Variants in MLPH observed in about 807,000 individuals in gnomAD.
The protein encoded by MLPH is exophilin-3.
A neutral mutation model predicts 72.1 loss-of-function variants in MLPH; 51 were observed. The ratio of observed to expected loss-of-function variants is 0.71; its 90% CI spans 0.56 to 0.89. MLPH has a LOEUF of 0.89. MLPH is among the 40% of genes least tolerant of loss of function. The pLI is 0.00. For synonymous variants in MLPH, 301 were observed against 310.1 expected, an observed-to-expected ratio of 0.97 and a Z score of 0.31; for missense variants, 743 against 759.9, an observed-to-expected ratio of 0.98 and a Z score of 0.26.
intron 9 of MLPH, among the ~76,000 whole-genome samples, chr2:237,540,123 G>T (rs1379569364): frequency 3.9e-5 from 6 of 152,258 alleles, no homozygotes; most frequent in Non-Finnish European, 8.8e-5. Flanking sequence ...CAGGGGTGGT[G>T]GTCAGCTTTC....
At chr2:237,532,989 T>G (rs181388698) in intron 8 of MLPH, among the ~76,000 whole-genome samples, 1 of 152,254 alleles carries the variant, frequency 6.6e-6, no homozygotes. Context: ...TCCACACAGT[T>G]CTCAGCACAA....
intron 2 of MLPH, among the ~76,000 whole-genome samples, chr2:237,506,777 T>A (rs1250184297): frequency 1.3e-5 from 2 of 152,202 alleles, no homozygotes; most frequent in Non-Finnish European, 2.9e-5. Flanking sequence ...ACTTCTTTTT[T>A]CTTTGGAGGC....
chr2:237,511,372 G>C, intron 4 of MLPH: 1 of 427,592 alleles, frequency 2.3e-6, no homozygotes, highest in East Asian at 5.0e-5. Context: ...TCAGCCTCCC[G>C]AAGTGCTGGG....
chr2:237,542,279 C>T (rs2080706797), intron 11 of MLPH, among the ~76,000 whole-genome samples: 2 of 152,082 alleles, frequency 1.3e-5, no homozygotes, highest in African/African-American at 4.8e-5. Context: ...TCCTCCAGCC[C>T]CTCATGGGAG....
chr2:237,545,502 C>T (rs2080897217), intron 12 of MLPH: 1 of 1,286,216 alleles, frequency 7.8e-7, no homozygotes, highest in Admixed American at 2.3e-5. Flanking sequence ...GGATCTGAAA[C>T]ACACACACCC....
intron 14 of MLPH, 46 bp from the exon 15 acceptor site, chr2:237,552,291 G>C: frequency 6.4e-7 from 1 of 1,554,700 alleles, no homozygotes; most frequent in South Asian, 1.1e-5. Context: ...TTTGGGCTAA[G>C]TATGTGATTG....
chr2:237,548,259 G>A (rs188062324), intron 13 of MLPH, among the ~76,000 whole-genome samples: 4 of 152,340 alleles, frequency 2.6e-5, no homozygotes, highest in Non-Finnish European at 5.9e-5. Context: ...CAGCCTGACA[G>A]CTTCTGCAGT....
intron 2 of MLPH, among the ~76,000 whole-genome samples, chr2:237,502,896 T>A (rs10187597): frequency 0.046 from 6,948 of 152,048 alleles, 523 homozygotes; most frequent in African/African-American, 0.16. Context: ...AGGCAGGTGG[T>A]TCACCTGAGG....
intron 6 of MLPH, among the ~76,000 whole-genome samples, chr2:237,523,948 T>C (rs2080244548): frequency 6.6e-6 from 1 of 152,162 alleles, no homozygotes; most frequent in Non-Finnish European, 1.5e-5. Flanking sequence ...TTAAAATAGT[T>C]ACTAATACAA....
intron 6 of MLPH, among the ~76,000 whole-genome samples, chr2:237,522,760 C>A (rs1463601925): frequency 6.6e-6 from 1 of 151,890 alleles, no homozygotes; most frequent in East Asian, 1.9e-4. Context: ...TAAGAGAAAG[C>A]TAATTAATGG....
chr2:237,496,011 A>G (rs1305109455), intron 2 of MLPH, among the ~76,000 whole-genome samples: 1 of 152,128 alleles, frequency 6.6e-6, no homozygotes, highest in Non-Finnish European at 1.5e-5. Context: ...ACGTAAACTC[A>G]AATGTTCTCT....
chr2:237,510,457 T>C lies in MLPH; in HGVS notation c.111-117T>C. On this transcript the variant is annotated intron_variant, in intron 2 of 15. Transcript: ENST00000264605. This position sits in a 1 kb window ranked among gnomAD's most constrained non-coding sequence, Gnocchi z 4.4. ...CACTGTTTTCTGCATAGGAGACAGTTACTGTGTGTGTGTATGTGTCTGTGT... is the reference window on the plus strand; with the variant it reads ...CACTGTTTTCTGCATAGGAGACAGTCACTGTGTGTGTGTATGTGTCTGTGT... 1 of 990,264 alleles carries C rather than the reference T, an allele frequency of 1.0e-6. No individual in the cohort carries two copies. The highest frequency in any genetic ancestry group is 1.6e-6 in the Non-Finnish European group (1 of 636,612). 61.3% of individuals were successfully genotyped at this position (990,264 alleles called of 1,614,324 possible). A position where few individuals can be genotyped will look rare whatever the true frequency, so the allele number is the denominator to read the frequency against.
At chr2:237,534,439 G>A in intron 8 of MLPH, 125 bp from the exon 9 acceptor site, 1 of 792,466 alleles carries the variant, frequency 1.3e-6, no homozygotes, top group Non-Finnish European at 2.3e-6. Context: ...CCATGTCATG[G>A]GTGGTGGCCT....
chr2:237,504,880 C>T (rs74001379), intron 2 of MLPH, among the ~76,000 whole-genome samples: 6,044 of 152,214 alleles, frequency 0.04, 356 homozygotes, highest in African/African-American at 0.13. Flanking sequence ...CCAACCAAGC[C>T]GTGCAAAGGA....
intron 12 of MLPH, 32 bp downstream of exon 12, chr2:237,542,691 T>G: frequency 9.7e-7 from 1 of 1,030,294 alleles, no homozygotes; most frequent in South Asian, 1.4e-5. Flanking sequence ...GTGGAGACAG[T>G]GCTGAGTGGG....
rs2106379015 is a variant in MLPH at position 237,541,556 on chromosome 2, G to A, written c.1446+599G>A. ...CCTCCACTTCCCTTCTCATCAGCAG[G>A]TGCCTGTCACTCCCTAAGGACAAAG... is the stretch of plus-strand genomic sequence containing the variant. On this transcript the variant is annotated intron_variant, in intron 11 of 15. Transcript: ENST00000264605. This position sits in a 1 kb window ranked among gnomAD's most constrained non-coding sequence, Gnocchi z 5.1. Among the ~76,000 whole-genome samples, 1 of 152,320 alleles carries A rather than the reference G, an allele frequency of 6.6e-6. No individual in the cohort carries two copies. Among genetic ancestry groups the A allele is most frequent in the Non-Finnish European group, 1.5e-5 (1 of 68,016 alleles).
intron 8 of MLPH, among the ~76,000 whole-genome samples, chr2:237,530,029 G>A (rs73100941): frequency 0.1 from 15,336 of 152,258 alleles, 936 homozygotes; most frequent in South Asian, 0.22. Flanking sequence ...AGGCGAGGTG[G>A]GCAGGGCACG....
chr2:237,542,671 G>T lies in MLPH; in HGVS notation c.1539+12G>T. On this transcript the variant is annotated intron_variant, in intron 12 of 15. Transcript: ENST00000264605. ...AGTCAAACCTCCCGGTGAGTGGGGGGCAGTGGTGAGTGGAGACAGTGCTGA... is the reference window on the plus strand; with the variant it reads ...AGTCAAACCTCCCGGTGAGTGGGGGTCAGTGGTGAGTGGAGACAGTGCTGA... The T allele has an allele frequency of 6.6e-7, 1 of 1,518,348 alleles. No individual in the cohort carries two copies. The highest frequency in any genetic ancestry group is 8.9e-7 in the Non-Finnish European group (1 of 1,125,162). The allele number at this position is 1,518,348 out of a possible 1,614,324, so 94.1% of individuals were successfully genotyped here.
chr2:237,487,598 G>T (rs1046053951), intron 1 of MLPH, among the ~76,000 whole-genome samples, 161 bp downstream of exon 1: 1 of 152,258 alleles, frequency 6.6e-6, no homozygotes, highest in Admixed American at 6.5e-5. Context: ...AGGACAGCGC[G>T]TTCCCAGCCA....
Sources: gnomAD v4.1 joint callset for allele counts (sites outside exome capture counted in the v4.1 genomes callset) on GRCh38, gnomAD v4.1.1 for gene constraint, Gnocchi (gnomAD v3.1) non-coding constraint, MANE v1.5 for transcripts, NCBI Gene and HGNC (gene_info 2026-07-23, HGNC 2026-07-21) for gene names.